Variants in HVCN1 observed in about 807,000 individuals in gnomAD.
HVCN1 encodes the protein voltage-gated hydrogen channel 1.
A neutral mutation model predicts 29.2 loss-of-function variants in HVCN1; 14 were observed. The observed-to-expected ratio is 0.48, with a 90% confidence interval of 0.32 to 0.75. The LOEUF (loss-of-function observed/expected upper bound fraction) is 0.75, where lower values mean the gene tolerates loss of function less well. HVCN1 is among the 30% of genes least tolerant of loss of function. The pLI, the probability that HVCN1 is intolerant of heterozygous loss-of-function variation, is 0.04. For missense variants in HVCN1, 263 were observed against 341.8 expected (o/e 0.77, Z 1.82); for synonymous variants, 131 against 133.2 (o/e 0.98, Z 0.11).
chr12:110,668,722 C>T (rs1288392431), intron 3 of HVCN1, among the ~76,000 whole-genome samples: 2 of 152,164 alleles, frequency 1.3e-5, no homozygotes, highest in South Asian at 4.1e-4. Context: ...GGGACACCCC[C>T]ACAGCTCCAT....
upstream of HVCN1, chr12:110,689,801 T>A (rs1371159340): frequency 6.6e-6 from 1 of 152,474 alleles, no homozygotes. The surrounding 1 kb of genome is among the most constrained non-coding windows in gnomAD (Gnocchi z 5.7). Context: ...CAGGCCCAGC[T>A]CTGAAGTCCC....
intron 3 of HVCN1, among the ~76,000 whole-genome samples, chr12:110,665,301 T>C (rs1282464261): frequency 6.6e-6 from 1 of 152,230 alleles, no homozygotes; most frequent in Non-Finnish European, 1.5e-5. Flanking sequence ...CTCATGCCTG[T>C]AATCCCAGCA....
rs2068164326 is a variant in HVCN1, at chr12:110,661,363, T to C, written c.107A>G (p.His36Arg). Residue 36 changes from histidine (H) to arginine (R), a missense_variant, in exon 4 of 8, where the codon CAT (histidine) becomes CGT (arginine). His to Arg is a conservative substitution (Grantham distance 29). Transcript: ENST00000242607. This position sits in a 1 kb window ranked among gnomAD's most constrained non-coding sequence, Gnocchi z 6.2. ...RHFTVVGDDY[H>R]AWNINYKKWE... ...TTTCTTGTAGTTGATGTTCCAGGCA[T>C]GGTAGTCGTCTCCCACGACCGTGAA... 2.5e-6 allele frequency: 4 copies of C among 1,614,054 alleles called. No individual in the cohort carries two copies. Among genetic ancestry groups the C allele is most frequent in the Non-Finnish European group, 3.4e-6 (4 of 1,180,016 alleles).
At chr12:110,665,713 A>G (rs2068323391) in intron 3 of HVCN1, among the ~76,000 whole-genome samples, 1 of 152,092 alleles carries the variant, frequency 6.6e-6, no homozygotes, top group Non-Finnish European at 1.5e-5. Flanking sequence ...AATCTACAAA[A>G]AAGATCCAGC....
chr12:110,699,838 T>G (rs1357104496), intron 2 of HVCN1, among the ~76,000 whole-genome samples: 1 of 152,162 alleles, frequency 6.6e-6, no homozygotes, highest in African/African-American at 2.4e-5. Context: ...TAAATATCAG[T>G]GGCTTAAACA....
intron 2 of HVCN1, among the ~76,000 whole-genome samples, chr12:110,701,951 TC>T (rs1195477731): frequency 6.6e-6 from 1 of 150,986 alleles, no homozygotes; most frequent in Non-Finnish European, 1.5e-5. Context: ...TTTTCTTTTT[TC>T]TTTTTTTTTT....
chr12:110,688,694 T>G lies in HVCN1; in HGVS notation c.-89A>C, dbSNP rs995979679. The G allele has an allele frequency of 6.6e-6, 1 of 152,472 alleles. No individual in the cohort carries two copies. Among genetic ancestry groups the G allele is most frequent in the Admixed American group, 6.5e-5 (1 of 15,286 alleles). 9.4% of individuals were successfully genotyped at this position (152,472 alleles called of 1,614,324 possible). ...AGGCAAGGGGCTTGGCCTCTCTGCGTCTTGGTTTCTTCACCTGTTAAGAGG... is the reference window on the plus strand; with the variant it reads ...AGGCAAGGGGCTTGGCCTCTCTGCGGCTTGGTTTCTTCACCTGTTAAGAGG... On this transcript the variant is annotated 5_prime_UTR_variant, in exon 2 of 8. Coordinates refer to ENST00000242607, the MANE Select transcript of HVCN1 (RefSeq NM_032369.4).
At chr12:110,696,245 T>C (rs1027627211) in intron 2 of HVCN1, among the ~76,000 whole-genome samples, 23 of 152,104 alleles carry the variant, frequency 1.5e-4, no homozygotes, top group Non-Finnish European at 3.1e-4. Flanking sequence ...TGAGCCACTG[T>C]GCCCGGCCAG....
chr12:110,689,225 C>A (rs971575606), upstream of HVCN1: 1 of 152,030 alleles, frequency 6.6e-6, no homozygotes, highest in Admixed American at 6.6e-5. This position sits in a 1 kb window ranked among gnomAD's most constrained non-coding sequence, Gnocchi z 5.7. Context: ...GCCCGCAGAC[C>A]CCCAACGGTC....
intron 3 of HVCN1, among the ~76,000 whole-genome samples, chr12:110,671,107 G>A (rs957024553): frequency 6.6e-6 from 1 of 152,122 alleles, no homozygotes; most frequent in African/African-American, 2.4e-5. Context: ...TGGACAGATC[G>A]CCTGAGGTCA....
In HVCN1 at chr12:110,659,001, G is replaced by A. The variant is rs538980588; in HGVS notation, c.306+2163C>T. Among the ~76,000 whole-genome samples, 210 of 152,334 alleles carry A rather than the reference G, an allele frequency of 1.4e-3. 1 individual carries two copies. Among genetic ancestry groups the A allele is most frequent in the Middle Eastern group, 6.8e-3 (2 of 294 alleles). On this transcript the variant is annotated intron_variant, in intron 4 of 7. Transcript: ENST00000242607. ...GGGCTCCCCTTGCAGCTGCAAGGAA[G>A]CTGTTTCCTTCCTTCTGCTCCTGAA... is the stretch of plus-strand genomic sequence containing the variant.
At chr12:110,664,854 GA>G (rs1262102019) in intron 3 of HVCN1, among the ~76,000 whole-genome samples, 3 of 152,000 alleles carry the variant, frequency 2.0e-5, no homozygotes, top group African/African-American at 7.3e-5. Context: ...TAACTTTCAG[GA>G]AAAAAACTCC....
rs1448680326 is a variant in HVCN1 at position 110,649,553 on chromosome 12, CCAGGCACAGGACCA to C, written c.757-92_757-79del. On this transcript the variant is annotated intron_variant, in intron 7 of 7. Transcript: ENST00000242607. ...GTGACAATCAATCATTCAGTGAGCC[CCAGGCACAGGACCA>C]CAGAGATGAATGAAAGCTACGCTGT... 3.6e-5 allele frequency: 37 copies of C among 1,037,576 alleles called. No individual in the cohort carries two copies. The African/African-American group carries it at 5.4e-4, about 15-fold the overall frequency. 64.3% of individuals were successfully genotyped at this position (1,037,576 alleles called of 1,614,324 possible). A position where few individuals can be genotyped will look rare whatever the true frequency, so the allele number is the denominator to read the frequency against.
chr12:110,657,046 G>C (rs1319654446), intron 4 of HVCN1, among the ~76,000 whole-genome samples: 5 of 152,196 alleles, frequency 3.3e-5, no homozygotes, highest in African/African-American at 9.7e-5. Context: ...CTAAGTCAAA[G>C]AAGGCAGACA....
chr12:110,703,344 C>T (rs1195929183), intron 1 of HVCN1, among the ~76,000 whole-genome samples: 1 of 151,406 alleles, frequency 6.6e-6, no homozygotes, highest in African/African-American at 2.4e-5. Context: ...AGCTGTGATC[C>T]CACCACTGCC....
At chr12:110,679,909 G>A (rs1398113789) in intron 3 of HVCN1, among the ~76,000 whole-genome samples, 2 of 151,928 alleles carry the variant, frequency 1.3e-5, no homozygotes, top group East Asian at 1.9e-4. Context: ...GTGGCAGGGG[G>A]CAGAGAGGGG....
chr12:110,666,145 A>G (rs2068340944), intron 3 of HVCN1, among the ~76,000 whole-genome samples: 1 of 152,152 alleles, frequency 6.6e-6, no homozygotes, highest in Non-Finnish European at 1.5e-5. Flanking sequence ...GAGGCTGGGC[A>G]CAGTGGCTCA....
At chr12:110,703,207 C>CAAAAAAAAAA (rs758737358) in intron 1 of HVCN1, among the ~76,000 whole-genome samples, 1 of 98,780 alleles carries the variant, frequency 1.0e-5, no homozygotes, top group Non-Finnish European at 2.0e-5. Flanking sequence ...ATGTCTCTAC[C>CAAAAAAAAAA]AAAAAAAAAA....
intron 2 of HVCN1, among the ~76,000 whole-genome samples, chr12:110,697,066 C>T (rs1045938085): frequency 6.6e-6 from 1 of 151,738 alleles, no homozygotes; most frequent in East Asian, 1.9e-4. Context: ...GGCAGAGCAC[C>T]GGAGTGCACT....
Sources: allele counts gnomAD v4.1 joint callset (sites outside exome capture counted in the v4.1 genomes callset), GRCh38; gene constraint gnomAD v4.1.1; non-coding constraint Gnocchi (gnomAD v3.1); transcripts MANE v1.5; gene names NCBI Gene and HGNC (gene_info 2026-07-23, HGNC 2026-07-21).